PCM1: variants seen among roughly 807,000 people sequenced by gnomAD.
The protein encoded by PCM1 is pericentriolar material 1 protein.
PCM1 carries 157 observed loss-of-function variants against 241.9 expected under a neutral mutation model. The observed-to-expected ratio is 0.65, with a 90% CI of 0.57 to 0.74. The LOEUF (loss-of-function observed/expected upper bound fraction) is 0.74, where lower values mean the gene tolerates loss of function less well. PCM1 is among the 30% of genes least tolerant of loss of function. The pLI is 0.00. For missense variants in PCM1, 3,478 were observed against 2,360.1 expected, an observed-to-expected ratio of 1.47 and a Z score of -9.81; for synonymous variants, 1,085 against 784.9, an observed-to-expected ratio of 1.38 and a Z score of -6.39.
rs1048111538 is a variant in PCM1 at position 18,027,784 on chromosome 8, G to C, written c.*122G>C. ...TTAGTTTGACACTGCTTTTTTGATAGGTGTGGTCATTTCTCCCCATGGTAG... is the reference window on the plus strand; with the variant it reads ...TTAGTTTGACACTGCTTTTTTGATACGTGTGGTCATTTCTCCCCATGGTAG... On this transcript the variant is annotated 3_prime_UTR_variant, in exon 39 of 39. Coordinates refer to ENST00000325083, the MANE Select transcript of PCM1 (RefSeq NM_006197.4). 2.8e-5 allele frequency: 17 copies of C among 598,966 alleles called. No homozygotes were observed. Among genetic ancestry groups the C allele is most frequent in the Non-Finnish European group, 4.2e-5 (15 of 355,460 alleles). 37.1% of individuals were successfully genotyped at this position (598,966 alleles called of 1,614,324 possible).
chr8:17,935,640 T>C lies in PCM1; in HGVS notation c.30T>C (p.Asp10=), dbSNP rs529956869. Residue 10 remains aspartate, a synonymous_variant, in exon 3 of 39, where the codon GAT becomes GAC. Transcript: ENST00000325083. ...CCACAGGAGGAGGTCCCTTTGAAGA[T>C]GGCATGAATGATCAGGATTTACCAA... The part of the protein sequence containing the change: MATGGGPFE[D]GMNDQDLPNW... 2.1e-5 allele frequency: 32 copies of C among 1,559,726 alleles called. No individual in the cohort carries two copies. Among genetic ancestry groups the C allele is most frequent in the Non-Finnish European group, 2.5e-5 (28 of 1,130,736 alleles).
Position 18,028,248 on chromosome 8 carries a change from T to G in PCM1, c.*586T>G, listed in dbSNP as rs1450068862. On this transcript the variant is annotated 3_prime_UTR_variant, in exon 39 of 39. Coordinates refer to ENST00000325083, the MANE Select transcript of PCM1 (RefSeq NM_006197.4). ...TACCTATGAAGTTATTATAGAATAT[T>G]TATTAATCCATTGAAATTGGATAAT... 5.5e-6 allele frequency: 1 copy of G among 181,174 alleles called. No individual in the cohort carries two copies. 11.2% of individuals were successfully genotyped at this position (181,174 alleles called of 1,614,324 possible).
chr8:17,941,785 G>A (rs1350046219), intron 6 of PCM1, among the ~76,000 whole-genome samples: 1 of 152,066 alleles, frequency 6.6e-6, no homozygotes, highest in Non-Finnish European at 1.5e-5. Context: ...GAATGACAGG[G>A]AACTGAGGCC....
intron 2 of PCM1, chr8:17,927,832 A>T (rs915356944): frequency 1.4e-5 from 2 of 148,046 alleles, no homozygotes; most frequent in Non-Finnish European, 3.0e-5. Flanking sequence ...TACAAGCGTG[A>T]GCCACCGCGC....
chr8:18,026,169 C>CAAAAAA (rs2094190662), intron 38 of PCM1, among the ~76,000 whole-genome samples: 9 of 7,614 alleles, frequency 1.2e-3, no homozygotes, highest in East Asian at 8.8e-3. Context: ...CTCTCTGAAA[C>CAAAAAA]AAAAAAAAAA....
chr8:17,923,746 G>A (rs772869333), intron 1 of PCM1, among the ~76,000 whole-genome samples: 2 of 152,116 alleles, frequency 1.3e-5, no homozygotes, highest in Non-Finnish European at 2.9e-5. Context: ...TGTGGGAGCC[G>A]ATGGGCCGGG....
intron 6 of PCM1, among the ~76,000 whole-genome samples, chr8:17,942,761 C>A (rs189589616): frequency 2.0e-5 from 3 of 151,834 alleles, no homozygotes. Context: ...TTTGGGAGGC[C>A]GAGGCAGGCG....
At chr8:17,985,196 G>A (rs2082205268) in intron 24 of PCM1, among the ~76,000 whole-genome samples, 2 of 151,618 alleles carry the variant, frequency 1.3e-5, no homozygotes, top group South Asian at 4.1e-4. Context: ...AATAAACATG[G>A]TTCTTAGTAA....
chr8:17,983,032 C>G (rs1564153004), intron 24 of PCM1, among the ~76,000 whole-genome samples: 1 of 152,112 alleles, frequency 6.6e-6, no homozygotes, highest in South Asian at 2.1e-4. Context: ...CATCGGTCGC[C>G]TTAATATACG....
chr8:17,945,263 G>T (rs188526185), intron 6 of PCM1, among the ~76,000 whole-genome samples: 1 of 152,284 alleles, frequency 6.6e-6, no homozygotes, highest in Non-Finnish European at 1.5e-5. Flanking sequence ...GGAAATGGAT[G>T]TAAATATTTA....
Position 18,017,785 on chromosome 8 carries a change from G to A in PCM1, c.5841+2945G>A, listed in dbSNP as rs187077138. Among the ~76,000 whole-genome samples the A allele has an allele frequency of 1.1e-3, 170 of 152,260 alleles. 1 individual carries two copies. Among genetic ancestry groups the A allele is most frequent in the South Asian group, 3.9e-3 (19 of 4,822 alleles). On this transcript the variant is annotated intron_variant, in intron 36 of 38. Transcript: ENST00000325083. Reference sequence around the variant, plus strand: ...GGAGAATCGTTTGAACCCAGTGGGTGGAGGTTGTCGTGAGCCAAAATGGTG... The same window carrying A: ...GGAGAATCGTTTGAACCCAGTGGGTAGAGGTTGTCGTGAGCCAAAATGGTG...
chr8:18,020,308 T>C (rs2093651841), intron 36 of PCM1, among the ~76,000 whole-genome samples: 1 of 152,192 alleles, frequency 6.6e-6, no homozygotes, highest in African/African-American at 2.4e-5. Context: ...AGCAGCTAAA[T>C]TGATAGGAAC....
chr8:18,028,898 TC>T lies in PCM1; in HGVS notation c.*1239del, dbSNP rs1007169197. On this transcript the variant is annotated 3_prime_UTR_variant, in exon 39 of 39. Coordinates refer to ENST00000325083, the MANE Select transcript of PCM1 (RefSeq NM_006197.4). ...CAGGCACCATGGCTCACTCCTGTAA[TC>T]CCAGCACCTTGGGAGGCCGAGGCGG... The T allele has an allele frequency of 8.8e-5, 16 of 182,608 alleles. No individual in the cohort carries two copies. The highest frequency in any genetic ancestry group is 3.8e-4 in the African/African-American group (16 of 42,522). The allele number at this position is 182,608 out of a possible 1,614,324, so 11.3% of individuals were successfully genotyped here.
intron 36 of PCM1, among the ~76,000 whole-genome samples, chr8:18,018,504 T>C (rs1170364712): frequency 2.0e-5 from 3 of 152,244 alleles, no homozygotes; most frequent in Non-Finnish European, 4.4e-5. Flanking sequence ...CAATTCCTTG[T>C]ACTTGTCTCT....
chr8:18,014,452 T>G, intron 35 of PCM1, 132 bp from the exon 36 acceptor site: 1 of 638,466 alleles, frequency 1.6e-6, no homozygotes, highest in Non-Finnish European at 2.4e-6. Flanking sequence ...AAGGAAAATT[T>G]GTAGTTGCCT....
Position 17,937,228 on chromosome 8 carries a change from T to C in PCM1, c.191T>C (p.Ile64Thr), listed in dbSNP as rs752922602. ...AGTGATAAAAGAGTAACCAATGATA[T>C]TTCTCCGGAGTCGTCACCAGGAGTT... ...VESDKRVTND[I>T]SPESSPGVGR... Residue 64 changes from isoleucine (I) to threonine (T), a missense_variant, in exon 4 of 39, where the codon ATT (isoleucine) becomes ACT (threonine). Coordinates refer to ENST00000325083, the MANE Select transcript of PCM1 (RefSeq NM_006197.4). The C allele has an allele frequency of 6.2e-7, 1 of 1,608,598 alleles. No individual in the cohort carries two copies. Among genetic ancestry groups the C allele is most frequent in the African/African-American group, 1.3e-5 (1 of 74,964 alleles).
chr8:17,966,570 G>A lies in PCM1; in HGVS notation c.3221+97G>A, dbSNP rs981719329. 3.9e-6 allele frequency: 4 copies of A among 1,019,084 alleles called. No homozygotes were observed. In the African/African-American group the frequency reaches 4.8e-5, roughly 12 times the overall value. 63.1% of individuals were successfully genotyped at this position (1,019,084 alleles called of 1,614,324 possible). ...TGGGAGAAAAGAGCAAGACCAAATT[G>A]CATATTTGGACATTCTCTTTCCCTT... On this transcript the variant is annotated intron_variant, in intron 20 of 38. Coordinates refer to ENST00000325083, the MANE Select transcript of PCM1 (RefSeq NM_006197.4).
At chr8:17,980,346 G>T (rs1020240694) in intron 23 of PCM1, 2 of 328,732 alleles carry the variant, frequency 6.1e-6, no homozygotes, top group Non-Finnish European at 1.1e-5. Flanking sequence ...ACTTCGAATT[G>T]GAATATACTC....
intron 9 of PCM1, 72 bp from the exon 10 acceptor site, chr8:17,955,398 A>T: frequency 9.6e-7 from 1 of 1,042,562 alleles, no homozygotes; most frequent in Non-Finnish European, 1.4e-6. Context: ...TTCAATATCC[A>T]AGCCAACTGT....
Sources: gnomAD v4.1 joint callset for allele counts (sites outside exome capture counted in the v4.1 genomes callset) on GRCh38, gnomAD v4.1.1 for gene constraint, MANE v1.5 for transcripts, NCBI Gene and HGNC (gene_info 2026-07-23, HGNC 2026-07-21) for gene names.